Variants in ADAMTS12 observed in about 807,000 individuals in gnomAD.
ADAMTS12 encodes the protein ADAM metallopeptidase with thrombospondin type 1 motif 12, also known as A disintegrin and metalloproteinase with thrombospondin motifs 12.
A neutral mutation model predicts 167.8 loss-of-function variants in ADAMTS12; 118 were observed. That is an observed-to-expected ratio of 0.70 (90% CI 0.61 to 0.82). The LOEUF (loss-of-function observed/expected upper bound fraction) is 0.82. Ranked by LOEUF, ADAMTS12 falls within the 40% of genes least tolerant of loss-of-function variation. The pLI is 0.00. For missense variants in ADAMTS12, 1,916 were observed against 1,998.8 expected, an observed-to-expected ratio of 0.96 and a Z score of 0.79; for synonymous variants, 704 against 716.9, an observed-to-expected ratio of 0.98 and a Z score of 0.29.
At chr5:33,625,928 C>G (rs560527999) in intron 13 of ADAMTS12, among the ~76,000 whole-genome samples, 4 of 152,182 alleles carry the variant, frequency 2.6e-5, no homozygotes, top group Non-Finnish European at 5.9e-5. Flanking sequence ...AAACCTCACT[C>G]TTCTTCATAA....
chr5:33,614,094 C>T, intron 16 of ADAMTS12, 144 bp downstream of exon 16: 1 of 1,120,162 alleles, frequency 8.9e-7, no homozygotes, highest in Non-Finnish European at 1.2e-6. Context: ...TGCCCATGTT[C>T]ACTGTCCGCA....
At chr5:33,537,170 G>C (rs1744458524) in intron 22 of ADAMTS12, among the ~76,000 whole-genome samples, 1 of 152,118 alleles carries the variant, frequency 6.6e-6, no homozygotes, top group Non-Finnish European at 1.5e-5. Context: ...CTATTTATTG[G>C]GTGCCAACAG....
chr5:33,621,872 A>T (rs995407258), intron 14 of ADAMTS12, among the ~76,000 whole-genome samples: 1 of 152,182 alleles, frequency 6.6e-6, no homozygotes, highest in Non-Finnish European at 1.5e-5. Flanking sequence ...AAATAACAGT[A>T]CCTGGTATAT....
intron 3 of ADAMTS12, among the ~76,000 whole-genome samples, chr5:33,686,936 T>TAGAGAGAG (rs1554035094): frequency 5.6e-4 from 82 of 145,634 alleles, no homozygotes; most frequent in African/African-American, 2.0e-3. Flanking sequence ...TATATATATA[T>TAGAGAGAG]AGAGAGAGAG....
At chr5:33,784,474 A>G (rs1011755282) in intron 2 of ADAMTS12, among the ~76,000 whole-genome samples, 1 of 152,024 alleles carries the variant, frequency 6.6e-6, no homozygotes, top group Non-Finnish European at 1.5e-5. Flanking sequence ...AACTTACTAG[A>G]CATAACAAGC....
At chr5:33,541,596 T>A (rs1176801848) in intron 22 of ADAMTS12, among the ~76,000 whole-genome samples, 1 of 152,202 alleles carries the variant, frequency 6.6e-6, no homozygotes, top group Non-Finnish European at 1.5e-5. Context: ...AAGGTCGGGT[T>A]ACCCACAAAG....
At chr5:33,844,212 T>G (rs1361218269) in intron 2 of ADAMTS12, among the ~76,000 whole-genome samples, 1 of 152,180 alleles carries the variant, frequency 6.6e-6, no homozygotes, top group Non-Finnish European at 1.5e-5. Flanking sequence ...CATGTGTGTT[T>G]GAACAATATG....
intron 2 of ADAMTS12, among the ~76,000 whole-genome samples, chr5:33,786,906 G>T (rs990712790): frequency 6.6e-6 from 1 of 152,100 alleles, no homozygotes; most frequent in Non-Finnish European, 1.5e-5. Flanking sequence ...CCTGCCTTTG[G>T]TGGGGATTCT....
At chr5:33,553,631 C>T (rs1303239029) in intron 20 of ADAMTS12, among the ~76,000 whole-genome samples, 2 of 152,188 alleles carry the variant, frequency 1.3e-5, no homozygotes, top group Non-Finnish European at 2.9e-5. Flanking sequence ...CCAAATACCA[C>T]ATGTTCTCAC....
At chr5:33,830,178 A>G (rs1748237365) in intron 2 of ADAMTS12, among the ~76,000 whole-genome samples, 1 of 152,220 alleles carries the variant, frequency 6.6e-6, no homozygotes. Flanking sequence ...TAAAGGATCC[A>G]TGAAGTTGGA....
intron 2 of ADAMTS12, among the ~76,000 whole-genome samples, chr5:33,757,702 G>A (rs887920533): frequency 8.5e-5 from 13 of 152,194 alleles, no homozygotes; most frequent in African/African-American, 2.7e-4. Flanking sequence ...GTATGATATG[G>A]TTGAATAGAA....
intron 4 of ADAMTS12, among the ~76,000 whole-genome samples, chr5:33,683,658 C>T (rs1467038094): frequency 6.6e-6 from 1 of 152,070 alleles, no homozygotes; most frequent in Non-Finnish European, 1.5e-5. Flanking sequence ...AAAATGTTCC[C>T]AGGATACACA....
At chr5:33,786,400 G>A (rs1287367081) in intron 2 of ADAMTS12, among the ~76,000 whole-genome samples, 1 of 151,544 alleles carries the variant, frequency 6.6e-6, no homozygotes, top group Non-Finnish European at 1.5e-5. Context: ...AGGGTAAAGG[G>A]CAGAGATGGG....
chr5:33,549,422 T>C (rs147849179), intron 20 of ADAMTS12, 39 bp from the exon 21 acceptor site: 29 of 1,589,264 alleles, frequency 1.8e-5, no homozygotes, highest in East Asian at 4.5e-5. Context: ...CTCTGAGTCA[T>C]TGGCATCAGG....
In ADAMTS12 at chr5:33,576,263, G is replaced by A. The variant is rs922399712; in HGVS notation, c.3763C>T (p.His1255Tyr). 6.2e-7 allele frequency: 1 copy of A among 1,614,060 alleles called. No homozygotes were observed. The highest frequency in any genetic ancestry group is 8.5e-7 in the Non-Finnish European group (1 of 1,180,032). The change falls in exon 19 of 24, where the codon CAC (histidine) becomes TAC (tyrosine). Residue 1255 changes from histidine to tyrosine, a missense_variant. His to Tyr is a moderately conservative substitution (Grantham distance 83). Coordinates refer to ENST00000504830, the MANE Select transcript of ADAMTS12 (RefSeq NM_030955.4). ...ANTLLPLGGD[H>Y]QPEPSGKTAN... ...GTCTTTCCTGAGGGTTCTGGCTGGT[G>A]GTCTCCTCCCAGAGGGAGCAGAGTG... is the stretch of plus-strand genomic sequence containing the variant.
intron 1 of ADAMTS12, among the ~76,000 whole-genome samples, chr5:33,885,915 G>C (rs1750620786): frequency 6.6e-6 from 1 of 152,194 alleles, no homozygotes. Context: ...TGGCAGGCTT[G>C]GTATTCTGCC....
At chr5:33,790,794 T>C (rs1746532762) in intron 2 of ADAMTS12, among the ~76,000 whole-genome samples, 1 of 147,980 alleles carries the variant, frequency 6.8e-6, no homozygotes, top group African/African-American at 2.5e-5. Context: ...TATATATATA[T>C]ATATATATAT....
chr5:33,577,047 G>A lies in ADAMTS12; in HGVS notation c.2979C>T (p.Leu993=). The change falls in exon 19 of 24, where the codon CTC becomes CTT. Residue 993 remains leucine, a synonymous_variant. Coordinates refer to ENST00000504830, the MANE Select transcript of ADAMTS12 (RefSeq NM_030955.4). ...CTCTCCGGCTAGAAGGGCATTGCTG[G>A]AGGCCACACAGAGCTCGGCTGTTGG... ...RKPNSRALCG[L]QQCPSSRRVL... The A allele has an allele frequency of 6.2e-7, 1 of 1,614,220 alleles. No individual in the cohort carries two copies. The highest frequency in any genetic ancestry group is 1.1e-5 in the South Asian group (1 of 91,090).
At chr5:33,672,020 CACAT>C (rs1038199802) in intron 5 of ADAMTS12, among the ~76,000 whole-genome samples, 7 of 150,418 alleles carry the variant, frequency 4.7e-5, no homozygotes, top group African/African-American at 1.5e-4. Flanking sequence ...CACACACATC[CACAT>C]ACATACACAC....
Sources: allele counts gnomAD v4.1 joint callset (sites outside exome capture counted in the v4.1 genomes callset), GRCh38; gene constraint gnomAD v4.1.1; transcripts MANE v1.5; gene names NCBI Gene and HGNC (gene_info 2026-07-23, HGNC 2026-07-21).